Variants in GTF2I observed in about 807,000 individuals in gnomAD.
GTF2I encodes the protein general transcription factor IIi, also known as general transcription factor II-I.
In GTF2I, 12 loss-of-function variants were observed where a neutral mutation model predicts 67.6. The ratio of observed to expected loss-of-function variants is 0.18; its 90% CI spans 0.11 to 0.29. GTF2I has a LOEUF of 0.29. Among genes scored for constraint, GTF2I ranks in the 10% least tolerant of loss-of-function variants. The probability of loss-of-function intolerance (pLI) is 1.00; values close to 1 mark genes in which losing one functional copy is unlikely to be tolerated. For synonymous variants in GTF2I, 149 were observed against 197.0 expected, an observed-to-expected ratio of 0.76 and a Z score of 2.04; for missense variants, 271 against 580.1, an observed-to-expected ratio of 0.47 and a Z score of 5.47.
At chr7:74,704,134 G>C (rs587738205) in intron 6 of GTF2I, among the ~76,000 whole-genome samples, 1 of 152,234 alleles carries the variant, frequency 6.6e-6, no homozygotes, top group African/African-American at 2.4e-5. Context: ...TAGTAGGAAA[G>C]CATTCTGTCT....
chr7:74,730,969 A>G (rs587740286), intron 14 of GTF2I, among the ~76,000 whole-genome samples: 25 of 125,334 alleles, frequency 2.0e-4, no homozygotes, highest in Middle Eastern at 3.8e-3. Flanking sequence ...GGCCTCCCAA[A>G]GTGCTAGCAT....
intron 3 of GTF2I, among the ~76,000 whole-genome samples, 181 bp downstream of exon 3, chr7:74,691,292 C>T (rs375459804): frequency 6.6e-5 from 10 of 151,696 alleles, no homozygotes; most frequent in South Asian, 2.1e-4. Context: ...CCACAACCCC[C>T]GCTGCGTGAG....
chr7:74,680,167 T>C (rs972332291), intron 1 of GTF2I, among the ~76,000 whole-genome samples: 53 of 143,488 alleles, frequency 3.7e-4, no homozygotes, highest in Non-Finnish European at 7.6e-4. Flanking sequence ...TATACACACA[T>C]ATATATAATT....
chr7:74,711,097 T>C lies in GTF2I; in HGVS notation c.751T>C (p.Tyr251His). 3 of 1,426,580 alleles carry C rather than the reference T, an allele frequency of 2.1e-6. No homozygotes were observed. Among genetic ancestry groups the C allele is most frequent in the Non-Finnish European group, 1.9e-6 (2 of 1,033,808 alleles). 88.4% of individuals were successfully genotyped at this position (1,426,580 alleles called of 1,614,324 possible). ...ATCAGAAGATCCTGATTATTATCAA[T>C]ATAACATTCAAGGTAATTTGAATTA... ...EESEDPDYYQ[Y>H]NIQAGPSETD... The change falls in exon 9 of 35, where the codon TAT (tyrosine) becomes CAT (histidine). Residue 251 changes from tyrosine (Y) to histidine (H), a missense_variant. By Grantham distance (83) the Tyr-to-His change is moderately conservative. Around this residue, in one of 9 missense-constraint regions of GTF2I, gnomAD observed 124 missense variants for 147.0 expected, o/e 0.84. Coordinates refer to ENST00000573035, the MANE Select transcript of GTF2I (RefSeq NM_032999.4).
chr7:74,691,640 A>T (rs1788317519), intron 3 of GTF2I, among the ~76,000 whole-genome samples: 1 of 152,246 alleles, frequency 6.6e-6, no homozygotes, highest in Non-Finnish European at 1.5e-5. Flanking sequence ...GAGTTAAGAA[A>T]AATGGTAGTG....
At chr7:74,684,619 A>C (rs2131268867) in intron 1 of GTF2I, 1 of 152,482 alleles carries the variant, frequency 6.6e-6, no homozygotes, top group Admixed American at 6.5e-5. Flanking sequence ...TGGGATGGGC[A>C]AAGAACAGCG....
At chr7:74,703,951 T>A (rs1790208432) in intron 6 of GTF2I, among the ~76,000 whole-genome samples, 1 of 152,262 alleles carries the variant, frequency 6.6e-6, no homozygotes, top group Admixed American at 6.5e-5. Context: ...GAAAGTCTTT[T>A]GACTCTTTGT....
At chr7:74,685,807 C>T (rs1554395331) in intron 1 of GTF2I, among the ~76,000 whole-genome samples, 1 of 151,756 alleles carries the variant, frequency 6.6e-6, no homozygotes, top group Non-Finnish European at 1.5e-5. Context: ...TGGCTCACGC[C>T]GGTAATCCGG....
At chr7:74,723,428 C>CTTTTTTTTTTTTTTT (rs58149301) in intron 12 of GTF2I, among the ~76,000 whole-genome samples, 1,076 of 61,026 alleles carry the variant, frequency 0.018, 317 homozygotes, top group African/African-American at 0.07. Flanking sequence ...CTCCCGGCCT[C>CTTTTTTTTTTTTTTT]TTTTTTTTTT....
At chr7:74,753,437 C>T (rs1313746671) in intron 29 of GTF2I, among the ~76,000 whole-genome samples, 3 of 152,232 alleles carry the variant, frequency 2.0e-5, no homozygotes, top group Middle Eastern at 3.4e-3. Context: ...TTTGGGAGCC[C>T]GAGGCAGGTG....
chr7:74,727,260 A>G (rs1432446477), intron 12 of GTF2I: 1 of 152,222 alleles, frequency 6.6e-6, no homozygotes, highest in Non-Finnish European at 1.5e-5. Flanking sequence ...GCAGCAAGCA[A>G]GGGTGCTGGT....
intron 3 of GTF2I, among the ~76,000 whole-genome samples, chr7:74,695,601 T>C (rs1788809050): frequency 6.6e-6 from 1 of 152,176 alleles, no homozygotes; most frequent in East Asian, 1.9e-4. Flanking sequence ...GAATTTTAAT[T>C]CCCAATTGTA....
intron 1 of GTF2I, among the ~76,000 whole-genome samples, chr7:74,680,775 T>C (rs1426231128): frequency 6.6e-6 from 1 of 152,098 alleles, no homozygotes; most frequent in African/African-American, 2.4e-5. Context: ...GTGTGCTGTT[T>C]GGTATTAACA....
intron 1 of GTF2I, among the ~76,000 whole-genome samples, chr7:74,675,484 C>A (rs1554392100): frequency 1.3e-5 from 2 of 151,664 alleles, no homozygotes; most frequent in South Asian, 4.2e-4. Flanking sequence ...TTTTGTGGTA[C>A]AATACTTTGG....
chr7:74,730,351 G>T (rs1554406416), intron 14 of GTF2I, 57 bp downstream of exon 14: 1 of 109,214 alleles, frequency 9.2e-6, no homozygotes, highest in Admixed American at 1.2e-4. Context: ...TTACACAATG[G>T]CGTTACTGTT....
chr7:74,696,672 T>G (rs1236889627), intron 3 of GTF2I, among the ~76,000 whole-genome samples: 1 of 151,980 alleles, frequency 6.6e-6, no homozygotes, highest in Non-Finnish European at 1.5e-5. Context: ...TTTTGTATTT[T>G]TTAGTAGAGG....
chr7:74,694,315 G>A (rs368945820), intron 3 of GTF2I, among the ~76,000 whole-genome samples: 26 of 152,246 alleles, frequency 1.7e-4, no homozygotes, highest in African/African-American at 4.3e-4. Flanking sequence ...AGCTGGGGGC[G>A]GTGGCTCACG....
At chr7:74,714,707 C>T in intron 9 of GTF2I, 150 bp from the exon 10 acceptor site, 1 of 523,786 alleles carries the variant, frequency 1.9e-6, no homozygotes, top group Non-Finnish European at 3.3e-6. Context: ...TGACATTGCT[C>T]ATCTTGTCAG....
chr7:74,667,526 T>TG (rs1254389768), intron 1 of GTF2I, among the ~76,000 whole-genome samples: 9 of 152,020 alleles, frequency 5.9e-5, no homozygotes, highest in African/African-American at 1.9e-4. Flanking sequence ...CCTTTTTTTG[T>TG]GGGGGGAGGG....
Sources: gnomAD v4.1 joint callset for allele counts (sites outside exome capture counted in the v4.1 genomes callset) on GRCh38, gnomAD v4.1.1 for gene constraint, gnomAD v4.1.1 regional missense constraint, MANE v1.5 for transcripts, NCBI Gene and HGNC (gene_info 2026-07-23, HGNC 2026-07-21) for gene names.